ABCA13: variants seen among roughly 807,000 people sequenced by gnomAD.
The protein encoded by ABCA13 is ATP binding cassette subfamily A member 13, also known as ATP-binding cassette sub-family A member 13.
Under a neutral mutation model 478.7 loss-of-function variants are expected in ABCA13, and 476 were observed. The observed-to-expected ratio is 0.99, with a 90% CI of 0.92 to 1.07. ABCA13 has a LOEUF of 1.07. Ranked by LOEUF, ABCA13 falls within the 50% of genes least tolerant of loss-of-function variation. The pLI, the probability that ABCA13 is intolerant of heterozygous loss-of-function variation, is 0.00. For missense variants in ABCA13, 6,060 were observed against 5,910.6 expected (o/e 1.03, Z -0.83); for synonymous variants, 2,252 against 2,158.9 (o/e 1.04, Z -1.20).
In ABCA13 at chr7:48,227,015, C is replaced by T. The variant is rs190802128; in HGVS notation, c.469-247C>T. ...AATCGGCCTTCTTTTTCTTCTTACC[C>T]CATCCATATTTTTCCCTCCTTGTCC... On this transcript the variant is annotated intron_variant, in intron 5 of 61. Coordinates refer to ENST00000435803, the MANE Select transcript of ABCA13 (RefSeq NM_152701.5). Among the ~76,000 whole-genome samples the T allele has an allele frequency of 2.5e-3, 381 of 151,966 alleles. 2 individuals carry two copies. The highest frequency in any genetic ancestry group is 1.7e-3 in the East Asian group (9 of 5,186).
chr7:48,372,023 C>A, intron 32 of ABCA13, 145 bp from the exon 33 acceptor site: 1 of 700,678 alleles, frequency 1.4e-6, no homozygotes, highest in Non-Finnish European at 2.3e-6. Context: ...GAGGCAATGT[C>A]CTTCCCAGGG....
chr7:48,229,745 A>T, intron 6 of ABCA13, 80 bp from the exon 7 acceptor site: 1 of 1,542,330 alleles, frequency 6.5e-7, no homozygotes, highest in South Asian at 1.2e-5. Context: ...AGTCCATGGG[A>T]TGTAAGTAAA....
At chr7:48,201,649 G>A (rs1798740038) in intron 3 of ABCA13, among the ~76,000 whole-genome samples, 1 of 152,320 alleles carries the variant, frequency 6.6e-6, no homozygotes, top group East Asian at 1.9e-4. Flanking sequence ...GAACCGGGGA[G>A]GCAGAAGCTG....
chr7:48,293,970 G>A (rs952898116), intron 20 of ABCA13, among the ~76,000 whole-genome samples: 3 of 152,046 alleles, frequency 2.0e-5, no homozygotes, highest in African/African-American at 4.8e-5. Context: ...TTCAGAGCAC[G>A]GCAAATCCCG....
intron 30 of ABCA13, among the ~76,000 whole-genome samples, chr7:48,351,617 C>A (rs534755314): frequency 6.6e-6 from 1 of 152,106 alleles, no homozygotes; most frequent in African/African-American, 2.4e-5. Context: ...TGAGTTAGGG[C>A]GCACCCTAAT....
chr7:48,227,747 C>T (rs1788445021), intron 6 of ABCA13, among the ~76,000 whole-genome samples: 1 of 152,162 alleles, frequency 6.6e-6, no homozygotes, highest in African/African-American at 2.4e-5. Context: ...TGGTAAAGTA[C>T]TATATACTGT....
chr7:48,178,415 C>A (rs1795176547), intron 1 of ABCA13, among the ~76,000 whole-genome samples: 1 of 152,154 alleles, frequency 6.6e-6, no homozygotes, highest in Non-Finnish European at 1.5e-5. Flanking sequence ...TGGCTCACAC[C>A]TGTAATCCCA....
chr7:48,302,393 A>G (rs1411134150), intron 23 of ABCA13, among the ~76,000 whole-genome samples: 1 of 152,154 alleles, frequency 6.6e-6, no homozygotes, highest in Non-Finnish European at 1.5e-5. Context: ...GGTTTGTTAT[A>G]TAGGTAAACT....
At chr7:48,449,895 C>A (rs1824778103) in intron 42 of ABCA13, among the ~76,000 whole-genome samples, 1 of 152,178 alleles carries the variant, frequency 6.6e-6, no homozygotes, top group Non-Finnish European at 1.5e-5. Flanking sequence ...TGGTTACCCT[C>A]CCTACCTGTC....
Position 48,239,348 on chromosome 7 carries a change from G to T in ABCA13, c.1005G>T (p.Trp335Cys), listed in dbSNP as rs754196404. 6.2e-7 allele frequency: 1 copy of T among 1,613,776 alleles called. No individual in the cohort carries two copies. The highest frequency in any genetic ancestry group is 8.5e-7 in the Non-Finnish European group (1 of 1,179,840). Reference protein sequence around the residue: ...WGHVGGCHPKWSEAKNYLVHA... With the variant: ...WGHVGGCHPKCSEAKNYLVHA... ...ACGTTGGAGGCTGCCACCCTAAGTGGTCAGAAGCCAAAAACTATCTTGTCC... is the reference window on the plus strand; with the variant it reads ...ACGTTGGAGGCTGCCACCCTAAGTGTTCAGAAGCCAAAAACTATCTTGTCC... The change falls in exon 9 of 62, where the codon TGG becomes TGT. Residue 335 changes from tryptophan to cysteine, a missense_variant. Trp to Cys is a radical substitution (Grantham distance 215). Around this residue, in one of 3 missense-constraint regions of ABCA13, gnomAD observed 4,423 missense variants for 4,309.1 expected, o/e 1.03. Transcript: ENST00000435803.
chr7:48,605,092 C>T (rs528260566), intron 58 of ABCA13, among the ~76,000 whole-genome samples: 2 of 152,140 alleles, frequency 1.3e-5, no homozygotes, highest in African/African-American at 4.8e-5. Flanking sequence ...AAATATTCCT[C>T]CATCCCTTTA....
intron 55 of ABCA13, among the ~76,000 whole-genome samples, chr7:48,576,615 C>T (rs931071358): frequency 6.6e-6 from 1 of 152,056 alleles, no homozygotes; most frequent in Non-Finnish European, 1.5e-5. Context: ...GAACTCTTCC[C>T]CTCAACCAAC....
At chr7:48,236,625 A>G (rs978045716) in intron 8 of ABCA13, among the ~76,000 whole-genome samples, 2 of 152,200 alleles carry the variant, frequency 1.3e-5, no homozygotes, top group East Asian at 3.8e-4. Context: ...TCACTTGGGC[A>G]CTGACATTTT....
chr7:48,558,363 C>G (rs1786087694), intron 55 of ABCA13, among the ~76,000 whole-genome samples: 1 of 151,426 alleles, frequency 6.6e-6, no homozygotes, highest in Non-Finnish European at 1.5e-5. Flanking sequence ...ATGGCGCAAT[C>G]TTGGCTCACT....
chr7:48,349,724 G>C (rs1023763493), intron 29 of ABCA13, among the ~76,000 whole-genome samples: 6 of 152,190 alleles, frequency 3.9e-5, no homozygotes, highest in African/African-American at 1.4e-4. Flanking sequence ...CATGTCCGGG[G>C]ACAAATGCCC....
At chr7:48,244,168 C>CA (rs1791314196) in intron 10 of ABCA13, among the ~76,000 whole-genome samples, 1 of 152,182 alleles carries the variant, frequency 6.6e-6, no homozygotes, top group Non-Finnish European at 1.5e-5. Flanking sequence ...AAGTTGGGAC[C>CA]ACTGCGATGG....
intron 28 of ABCA13, 82 bp downstream of exon 28, chr7:48,335,617 A>T: frequency 9.6e-7 from 1 of 1,036,860 alleles, no homozygotes; most frequent in Non-Finnish European, 1.4e-6. Context: ...CCTGTAGAAG[A>T]TTCTACAGAG....
intron 19 of ABCA13, among the ~76,000 whole-genome samples, chr7:48,282,873 T>A (rs1797236885): frequency 2.0e-5 from 3 of 152,206 alleles, no homozygotes; most frequent in Admixed American, 6.5e-5. Flanking sequence ...GCCTGTCTAT[T>A]GATCACTACA....
At chr7:48,508,105 G>T (rs369365317) in intron 50 of ABCA13, 56 bp downstream of exon 50, 2 of 1,606,494 alleles carry the variant, frequency 1.2e-6, no homozygotes, top group South Asian at 2.2e-5. Flanking sequence ...TAAATAGTGC[G>T]TGTATGGAGG....
Sources: allele counts gnomAD v4.1 joint callset (sites outside exome capture counted in the v4.1 genomes callset), GRCh38; gene constraint gnomAD v4.1.1; regional missense constraint gnomAD v4.1.1; transcripts MANE v1.5; gene names NCBI Gene and HGNC (gene_info 2026-07-23, HGNC 2026-07-21).